Variants in SLCO4C1 observed in about 807,000 individuals in gnomAD.
SLCO4C1 encodes solute carrier organic anion transporter family member 4C1, also known as organic anion transporter M1.
A neutral mutation model predicts 72.1 loss-of-function variants in SLCO4C1; 58 were observed. The ratio of observed to expected loss-of-function variants is 0.80; its 90% CI spans 0.65 to 1.00. The LOEUF is 1.00. Among genes scored for constraint, SLCO4C1 ranks in the 50% least tolerant of loss-of-function variants. SLCO4C1 has a pLI of 0.00. For missense variants in SLCO4C1, 898 were observed against 857.9 expected (o/e 1.05, Z -0.58); for synonymous variants, 297 against 312.5 (o/e 0.95, Z 0.52).
At chr5:102,239,822 C>A (rs1467498729) in intron 11 of SLCO4C1, among the ~76,000 whole-genome samples, 4 of 151,834 alleles carry the variant, frequency 2.6e-5, no homozygotes, top group South Asian at 2.1e-4. Flanking sequence ...CTAACATGGG[C>A]CTCTGTATGT....
intron 1 of SLCO4C1, among the ~76,000 whole-genome samples, chr5:102,293,602 C>G (rs1015808574): frequency 1.1e-4 from 17 of 152,218 alleles, no homozygotes; most frequent in African/African-American, 4.1e-4. Context: ...GTTTTTCTTT[C>G]CAATTAAATG....
intron 10 of SLCO4C1, among the ~76,000 whole-genome samples, chr5:102,243,385 T>G (rs1294009646): frequency 6.6e-6 from 1 of 152,130 alleles, no homozygotes; most frequent in Admixed American, 6.5e-5. Context: ...ACAAAAGACC[T>G]TGGAAAAGAC....
At chr5:102,243,148 C>T (rs1395666050) in intron 10 of SLCO4C1, among the ~76,000 whole-genome samples, 1 of 152,182 alleles carries the variant, frequency 6.6e-6, no homozygotes, top group African/African-American at 2.4e-5. Flanking sequence ...GTGGAAAGGA[C>T]TACACTGTGT....
Position 102,270,643 on chromosome 5 carries a change from G to T in SLCO4C1, c.783C>A (p.His261Gln). 1 of 1,611,580 alleles carries T rather than the reference G, an allele frequency of 6.2e-7. No homozygotes were observed. The highest frequency in any genetic ancestry group is 1.7e-4 in the Middle Eastern group (1 of 6,042). ...ACTTACCTATATAGAGAGAAGACTT[G>T]TGTGTGGGCACAGAATCATCAAGAA... ...TAFLDDSVPT[H>Q]KSSLYIGTGY... Residue 261 changes from histidine to glutamine, a missense_variant, in exon 3 of 13, where the codon CAC (histidine) becomes CAA (glutamine). Physicochemically the swap from His to Gln is conservative, Grantham distance 24. Transcript: ENST00000310954.
chr5:102,248,092 G>A (rs1561367123), intron 9 of SLCO4C1, among the ~76,000 whole-genome samples: 1 of 151,906 alleles, frequency 6.6e-6, no homozygotes, highest in Non-Finnish European at 1.5e-5. Context: ...GAGAGAAACT[G>A]AGAACAGTAT....
At chr5:102,294,957 G>A (rs1749621191) in intron 1 of SLCO4C1, among the ~76,000 whole-genome samples, 1 of 152,018 alleles carries the variant, frequency 6.6e-6, no homozygotes, top group Admixed American at 6.6e-5. Context: ...AAATATTCTC[G>A]GACTATGACT....
At chr5:102,280,808 T>C (rs1398466044) in intron 2 of SLCO4C1, among the ~76,000 whole-genome samples, 1 of 152,088 alleles carries the variant, frequency 6.6e-6, no homozygotes, top group Non-Finnish European at 1.5e-5. Context: ...ACCCCCATGA[T>C]CAAATAACCT....
At chr5:102,246,335 T>C (rs1296466075) in intron 10 of SLCO4C1, among the ~76,000 whole-genome samples, 2 of 152,204 alleles carry the variant, frequency 1.3e-5, no homozygotes, top group South Asian at 2.1e-4. Context: ...AGTGATACTG[T>C]AGAAATTCAA....
intron 2 of SLCO4C1, among the ~76,000 whole-genome samples, chr5:102,271,705 C>T (rs1554058575): frequency 6.6e-6 from 1 of 151,712 alleles, no homozygotes; most frequent in Non-Finnish European, 1.5e-5. Context: ...TTTCTGTGAA[C>T]TAATTTTTCA....
In SLCO4C1 at chr5:102,268,837, G is replaced by A. The variant is rs192053020; in HGVS notation, c.802+1787C>T. ...CCTTTAAGCATTTTTTGTAGGGCCG[G>A]TCTAGTGATGATGCACTCCCTCAAT... On this transcript the variant is annotated intron_variant, in intron 3 of 12. Transcript: ENST00000310954. Among the ~76,000 whole-genome samples the A allele has an allele frequency of 3.4e-3, 515 of 152,138 alleles. 2 individuals carry two copies. The highest frequency in any genetic ancestry group is 0.012 in the African/African-American group (493 of 41,526).
chr5:102,265,142 T>C (rs1037245687), intron 3 of SLCO4C1, among the ~76,000 whole-genome samples: 3 of 152,112 alleles, frequency 2.0e-5, no homozygotes, highest in Non-Finnish European at 2.9e-5. Flanking sequence ...TATAGATTCT[T>C]TGCTTATTTT....
intron 6 of SLCO4C1, 73 bp from the exon 7 acceptor site, chr5:102,258,160 C>A: frequency 8.0e-7 from 1 of 1,252,124 alleles, no homozygotes; most frequent in Non-Finnish European, 1.1e-6. Flanking sequence ...AGAAGGTTAG[C>A]ATGATGAAAT....
At chr5:102,282,814 T>C (rs62372163) in intron 2 of SLCO4C1, among the ~76,000 whole-genome samples, 41,663 of 151,982 alleles carry the variant, frequency 0.27, 6,035 homozygotes, top group Middle Eastern at 0.31. Context: ...CGTATGAATG[T>C]GTATATACAT....
intron 8 of SLCO4C1, among the ~76,000 whole-genome samples, chr5:102,252,381 A>G (rs1307293452): frequency 6.6e-6 from 1 of 152,186 alleles, no homozygotes; most frequent in African/African-American, 2.4e-5. Context: ...TGATCAAGAT[A>G]GTAATCTGCC....
In SLCO4C1 at chr5:102,289,591, T is replaced by C. The variant is rs573967329; in HGVS notation, c.619+1752A>G. On this transcript the variant is annotated intron_variant, in intron 2 of 12. Coordinates refer to ENST00000310954, the MANE Select transcript of SLCO4C1 (RefSeq NM_180991.5). ...TGTTTTCTTGTGTGGCAGATGAAAATTTAGATATTCCCTTACGATTTAGAT... is the reference window on the plus strand; with the variant it reads ...TGTTTTCTTGTGTGGCAGATGAAAACTTAGATATTCCCTTACGATTTAGAT... 3.3e-4 allele frequency among the ~76,000 whole-genome samples: 51 copies of C among 152,326 alleles called. No individual in the cohort carries two copies. The South Asian group carries it at 0.01, about 31-fold the overall frequency.
chr5:102,289,381 G>A (rs1489035257), intron 2 of SLCO4C1, among the ~76,000 whole-genome samples: 1 of 152,206 alleles, frequency 6.6e-6, no homozygotes, highest in African/African-American at 2.4e-5. Flanking sequence ...GTGGAAGACA[G>A]ATCAGGCTTT....
intron 10 of SLCO4C1, among the ~76,000 whole-genome samples, chr5:102,241,743 CAA>C (rs747120302): frequency 6.6e-5 from 10 of 151,976 alleles, no homozygotes; most frequent in Middle Eastern, 6.8e-3. Context: ...ATTGAAAAAA[CAA>C]TCCTAAAATT....
intron 8 of SLCO4C1, among the ~76,000 whole-genome samples, chr5:102,250,471 T>C (rs981024716): frequency 2.6e-5 from 4 of 152,188 alleles, no homozygotes; most frequent in African/African-American, 4.8e-5. Context: ...TGCTAGACCC[T>C]ATGCTGGGTA....
At chr5:102,257,613 AG>A (rs1189619611) in intron 7 of SLCO4C1, among the ~76,000 whole-genome samples, 1 of 114,584 alleles carries the variant, frequency 8.7e-6, no homozygotes, top group East Asian at 2.6e-4. Flanking sequence ...ATTAAGTTTA[AG>A]TGTCTTTTTT....
Sources: allele counts gnomAD v4.1 joint callset (sites outside exome capture counted in the v4.1 genomes callset), GRCh38; gene constraint gnomAD v4.1.1; transcripts MANE v1.5; gene names NCBI Gene and HGNC (gene_info 2026-07-23, HGNC 2026-07-21).